RAPGEF2: variants seen among roughly 807,000 people sequenced by gnomAD.
RAPGEF2 encodes PDZ domain containing guanine nucleotide exchange factor (GEF) 1.
In RAPGEF2, 54 loss-of-function variants were observed where a neutral mutation model predicts 186.7. The observed-to-expected ratio is 0.29, with a 90% CI of 0.23 to 0.36. RAPGEF2 has a LOEUF of 0.36. Ranked by LOEUF, RAPGEF2 falls within the 10% of genes least tolerant of loss-of-function variation. The probability of loss-of-function intolerance (pLI) is 1.00; values close to 1 mark genes in which losing one functional copy is unlikely to be tolerated. For synonymous variants in RAPGEF2, 712 were observed against 705.9 expected (o/e 1.01, Z -0.14); for missense variants, 1,532 against 2,045.0 (o/e 0.75, Z 4.84).
intron 4 of RAPGEF2, among the ~76,000 whole-genome samples, chr4:159,219,449 G>A (rs1485390978): frequency 1.4e-5 from 2 of 140,508 alleles, no homozygotes; most frequent in African/African-American, 2.7e-5. Flanking sequence ...CCCGCCTCCC[G>A]GGTTCACGCC....
At position 159,332,305 on chromosome 4, in the gene RAPGEF2, G is replaced by A. The variant is rs1766795632; in HGVS notation, c.1889-146G>A. The A allele has an allele frequency of 3.6e-6, 3 of 845,042 alleles. No homozygotes were observed. The Admixed American group carries it at 8.3e-5, about 23-fold the overall frequency. The allele number at this position is 845,042 out of a possible 1,614,324, so 52.3% of individuals were successfully genotyped here. A position where few individuals can be genotyped will look rare whatever the true frequency, so the allele number is the denominator to read the frequency against. On this transcript the variant is annotated intron_variant, in intron 16 of 29. Transcript: ENST00000691494. ...GCAGATTTGGCGTGATTCGTTTACT[G>A]TGTGATACTGTTTTTCTGCAGGTTT...
rs549200152 is a variant in RAPGEF2, at chr4:159,125,615, G to A, written c.69+21384G>A. On this transcript the variant is annotated intron_variant, in intron 1 of 29. Transcript: ENST00000691494. ...CTACTAAAAATACAAAAATTTAGCC[G>A]GGCATGGTGGCGAGCACCTGTAGTC... 7.9e-5 allele frequency among the ~76,000 whole-genome samples: 12 copies of A among 152,048 alleles called. No individual in the cohort carries two copies. In the South Asian group the frequency reaches 2.3e-3, roughly 29 times the overall value.
intron 1 of RAPGEF2, among the ~76,000 whole-genome samples, chr4:159,115,815 A>G (rs1738986625): frequency 6.6e-6 from 1 of 152,120 alleles, no homozygotes; most frequent in South Asian, 2.1e-4. Flanking sequence ...GACAAACCTG[A>G]CACAAAAACA....
At chr4:159,112,787 A>G (rs976106828) in intron 1 of RAPGEF2, among the ~76,000 whole-genome samples, 3 of 152,230 alleles carry the variant, frequency 2.0e-5, no homozygotes, top group Admixed American at 1.3e-4. Flanking sequence ...AAATATCATC[A>G]TAGATCAGTA....
intron 17 of RAPGEF2, among the ~76,000 whole-genome samples, chr4:159,337,750 C>T (rs1280987111): frequency 6.6e-6 from 1 of 151,362 alleles, no homozygotes; most frequent in East Asian, 2.0e-4. Context: ...ATTAGCCGGG[C>T]ATGGTGGCGG....
intron 7 of RAPGEF2, among the ~76,000 whole-genome samples, chr4:159,259,019 G>T (rs957149936): frequency 4.6e-5 from 7 of 152,174 alleles, no homozygotes; most frequent in African/African-American, 7.2e-5. Flanking sequence ...GATGTTTACT[G>T]ATGTGTTTTG....
At chr4:159,244,127 A>C (rs184178617) in intron 7 of RAPGEF2, among the ~76,000 whole-genome samples, 2 of 152,020 alleles carry the variant, frequency 1.3e-5, no homozygotes, top group Non-Finnish European at 2.9e-5. Context: ...GCAGGCAGAC[A>C]TAAAGGATTT....
chr4:159,295,744 T>C (rs776033157), intron 7 of RAPGEF2, among the ~76,000 whole-genome samples: 1,770 of 132,706 alleles, frequency 0.013, 34 homozygotes, highest in African/African-American at 0.052. Flanking sequence ...TGTGTGTGTG[T>C]GTGTGTGTGT....
intron 7 of RAPGEF2, among the ~76,000 whole-genome samples, chr4:159,289,320 G>C (rs539194527): frequency 3.1e-4 from 47 of 152,272 alleles, no homozygotes; most frequent in Admixed American, 1.8e-3. Context: ...ATCTATGATA[G>C]GAAGTTAAAA....
In RAPGEF2 at chr4:159,352,891, C is replaced by A; in HGVS notation, c.4072C>A (p.Pro1358Thr). The A allele has an allele frequency of 1.2e-6, 2 of 1,614,086 alleles. No homozygotes were observed. The highest frequency in any genetic ancestry group is 1.7e-6 in the Non-Finnish European group (2 of 1,179,956). The stretch of plus-strand genomic sequence containing the variant: ...GATGGAGAGGCGGACCATGATTGAA[C>A]CTGATCAGTATAGCTTGGGGTAGGT... ...GRMERRTMIEPDQYSLGSYAP... is the reference protein window; with the variant it reads ...GRMERRTMIETDQYSLGSYAP... Residue 1358 changes from proline to threonine, a missense_variant, in exon 27 of 30, where the codon CCT becomes ACT. Pro to Thr is a conservative substitution (Grantham distance 38, BLOSUM62 -1). This residue lies in a region of RAPGEF2 where 594 missense variants were observed against 608.5 expected (regional missense o/e 0.98). Coordinates refer to ENST00000691494, the MANE Select transcript of RAPGEF2 (RefSeq NM_001394067.2).
At chr4:159,351,242 A>T in intron 26 of RAPGEF2, 1 of 1,452,630 alleles carries the variant, frequency 6.9e-7, no homozygotes, top group African/African-American at 1.4e-5. Context: ...TTAGTTAATG[A>T]AAATGGGAGA....
In RAPGEF2 at chr4:159,201,058, A is replaced by T. The variant is rs575016041; in HGVS notation, c.197+7802A>T. Among the ~76,000 whole-genome samples the T allele has an allele frequency of 5.3e-5, 8 of 152,124 alleles. No homozygotes were observed. The South Asian group carries it at 1.7e-3, about 32-fold the overall frequency. On this transcript the variant is annotated intron_variant, in intron 3 of 29. Coordinates refer to ENST00000691494, the MANE Select transcript of RAPGEF2 (RefSeq NM_001394067.2). Reference sequence around the variant, plus strand: ...TCATGTTTTAGTACATGCACTTTATATTTCTTTTGGCTTGATATCATTGTT... The same window carrying T: ...TCATGTTTTAGTACATGCACTTTATTTTTCTTTTGGCTTGATATCATTGTT...
At chr4:159,345,605 A>G (rs968121663) in intron 24 of RAPGEF2, among the ~76,000 whole-genome samples, 1 of 152,224 alleles carries the variant, frequency 6.6e-6, no homozygotes, top group Non-Finnish European at 1.5e-5. Flanking sequence ...ACCAGTACAC[A>G]TGCAACAGAC....
In RAPGEF2 at chr4:159,180,302, G is replaced by T. The variant is rs150669908; in HGVS notation, c.70-6340G>T. Among the ~76,000 whole-genome samples the T allele has an allele frequency of 2.9e-3, 437 of 152,264 alleles. 2 individuals are homozygous for T. The highest frequency in any genetic ancestry group is 0.01 in the African/African-American group (417 of 41,540). ...CTTTCTTTCATTTTTCGGGGTCTGA[G>T]AGCAGAGATTTCTTGATGTCTTTGC... On this transcript the variant is annotated intron_variant, in intron 1 of 29. Transcript: ENST00000691494.
intron 8 of RAPGEF2, among the ~76,000 whole-genome samples, chr4:159,307,981 A>G (rs887713471): frequency 6.6e-6 from 1 of 152,184 alleles, no homozygotes; most frequent in African/African-American, 2.4e-5. Flanking sequence ...AAAAAACAAA[A>G]AAGTAACTTG....
rs762759172 is a variant in RAPGEF2 at position 159,307,946 on chromosome 4, A to G, written c.675+3473A>G. On this transcript the variant is annotated intron_variant, in intron 8 of 29. Transcript: ENST00000691494. ...AGATCTCCCCACTGCACTCCAGCCT[A>G]TGGGGCAGAGCAAGACTCCGTCTCA... is the stretch of plus-strand genomic sequence containing the variant. 1.2e-3 allele frequency among the ~76,000 whole-genome samples: 182 copies of G among 152,302 alleles called. 1 individual carries two copies. Among genetic ancestry groups the G allele is most frequent in the Non-Finnish European group, 1.9e-3 (132 of 68,026 alleles).
intron 4 of RAPGEF2, among the ~76,000 whole-genome samples, chr4:159,211,047 G>T (rs979065659): frequency 6.6e-6 from 1 of 152,118 alleles, no homozygotes; most frequent in Non-Finnish European, 1.5e-5. Context: ...TTTCATTTTT[G>T]CATTTGTCTG....
chr4:159,252,392 C>T (rs1755566850), intron 7 of RAPGEF2, among the ~76,000 whole-genome samples: 1 of 152,160 alleles, frequency 6.6e-6, no homozygotes, highest in African/African-American at 2.4e-5. Context: ...ATGTTTCAAT[C>T]ATCAGGACTT....
chr4:159,141,354 A>C (rs1033890043), intron 1 of RAPGEF2, among the ~76,000 whole-genome samples: 24 of 152,176 alleles, frequency 1.6e-4, no homozygotes, highest in African/African-American at 5.8e-4. Flanking sequence ...GATGATTCAA[A>C]GGTCAGCCTC....
Sources: allele counts gnomAD v4.1 joint callset (sites outside exome capture counted in the v4.1 genomes callset), GRCh38; gene constraint gnomAD v4.1.1; regional missense constraint gnomAD v4.1.1; transcripts MANE v1.5; gene names NCBI Gene and HGNC (gene_info 2026-07-23, HGNC 2026-07-21).